Variants in RPS6KA2 observed in about 807,000 individuals in gnomAD.
RPS6KA2 encodes the protein ribosomal protein S6 kinase alpha-2.
A neutral mutation model predicts 91.8 loss-of-function variants in RPS6KA2; 42 were observed. The ratio of observed to expected loss-of-function variants is 0.46; its 90% CI spans 0.36 to 0.59. The LOEUF is 0.59. Ranked by LOEUF, RPS6KA2 falls within the 20% of genes least tolerant of loss-of-function variation. The pLI is 0.00. For missense variants in RPS6KA2, 798 were observed against 978.5 expected, an observed-to-expected ratio of 0.82 and a Z score of 2.46; for synonymous variants, 414 against 393.6, an observed-to-expected ratio of 1.05 and a Z score of -0.61.
At position 166,766,483 on chromosome 6, in the gene RPS6KA2, A is replaced by G. The variant is rs11964174; in HGVS notation, c.123+91717T>C. Among the ~76,000 whole-genome samples the G allele has an allele frequency of 8.6e-3, 1,309 of 152,322 alleles. 19 individuals carry two copies. Among genetic ancestry groups the G allele is most frequent in the African/African-American group, 0.03 (1,265 of 41,576 alleles). On this transcript the variant is annotated intron_variant, in intron 2 of 21. Coordinates refer to the RPS6KA2 transcript ENST00000503859. ...CTTGGTAATTTTTGGATTTGTGTGT[A>G]TGTGTGTTTTCCTTTCAAGCTTTTT...
At chr6:166,478,927 G>A (rs941101352) in intron 10 of RPS6KA2, among the ~76,000 whole-genome samples, 4 of 152,240 alleles carry the variant, frequency 2.6e-5, no homozygotes, top group African/African-American at 9.6e-5. Context: ...ACAGAGAGGT[G>A]AAGCCATCCG....
rs1456687415 is a variant in RPS6KA2 at position 166,764,721 on chromosome 6, A to C, written c.123+93479T>G. The stretch of plus-strand genomic sequence containing the variant: ...AGGAGCCTGCAGCCATGAGCCCGCA[A>C]CCCCTGACAACGGGAGGAAGACGCG... On this transcript the variant is annotated intron_variant, in intron 2 of 21. Coordinates refer to the RPS6KA2 transcript ENST00000503859. Among the ~76,000 whole-genome samples, 4 of 152,274 alleles carry C rather than the reference A, an allele frequency of 2.6e-5. No homozygotes were observed. In the East Asian group the frequency reaches 7.7e-4, roughly 29 times the overall value.
intron 19 of RPS6KA2, among the ~76,000 whole-genome samples, chr6:166,414,179 A>G (rs575885231): frequency 6.6e-6 from 1 of 152,360 alleles, no homozygotes; most frequent in African/African-American, 2.4e-5. Context: ...CATGTCTAAA[A>G]AGTTAAATGT....
intron 1 of RPS6KA2, among the ~76,000 whole-genome samples, chr6:166,548,829 TAAATC>T (rs760868075): frequency 4.6e-5 from 7 of 152,202 alleles, no homozygotes; most frequent in Non-Finnish European, 1.0e-4. Context: ...AAAAAAGTGA[TAAATC>T]AAACTTCATC....
intron 2 of RPS6KA2, among the ~76,000 whole-genome samples, chr6:166,796,540 G>A (rs1003325979): frequency 1.8e-4 from 25 of 140,098 alleles, no homozygotes; most frequent in Non-Finnish European, 3.1e-4. Flanking sequence ...AGTGAGCAGC[G>A]ATGGTGCCAC....
intron 2 of RPS6KA2, among the ~76,000 whole-genome samples, chr6:166,761,474 T>C (rs554562849): frequency 2.6e-5 from 4 of 152,240 alleles, no homozygotes; most frequent in Non-Finnish European, 4.4e-5. Context: ...TTACTGTGTA[T>C]TGGCTATGGC....
chr6:166,636,060 C>T (rs1390530514), intron 2 of RPS6KA2, among the ~76,000 whole-genome samples: 1 of 152,206 alleles, frequency 6.6e-6, no homozygotes, highest in Non-Finnish European at 1.5e-5. Context: ...CCAAACTCCT[C>T]GTTCTGCCTA....
chr6:166,469,514 A>C (rs1167402077), intron 11 of RPS6KA2, among the ~76,000 whole-genome samples: 1 of 152,018 alleles, frequency 6.6e-6, no homozygotes, highest in Non-Finnish European at 1.5e-5. Flanking sequence ...AGCAATCGGG[A>C]ATATGCAGGG....
rs541846953 is a variant in RPS6KA2 at position 166,685,388 on chromosome 6, A to C, written c.124-146604T>G. Among the ~76,000 whole-genome samples, 9 of 152,340 alleles carry C rather than the reference A, an allele frequency of 5.9e-5. No homozygotes were observed. The South Asian group carries it at 1.9e-3, about 32-fold the overall frequency. ...CAGGCTGGGAGGACAGAGGCTGAGA[A>C]GGGCAATGGTTAAAATGATCTGTTG... is the stretch of plus-strand genomic sequence containing the variant. On this transcript the variant is annotated intron_variant, in intron 2 of 21. Transcript: ENST00000503859.
intron 10 of RPS6KA2, among the ~76,000 whole-genome samples, chr6:166,472,029 G>A (rs1367155097): frequency 6.6e-6 from 1 of 152,220 alleles, no homozygotes; most frequent in Admixed American, 6.5e-5. Context: ...CTGTGTGCAG[G>A]CCTCCTTTGA....
At chr6:166,458,621 C>T (rs1780177596) in intron 12 of RPS6KA2, among the ~76,000 whole-genome samples, 1 of 152,212 alleles carries the variant, frequency 6.6e-6, no homozygotes, top group Admixed American at 6.5e-5. Context: ...AGAGAGACAC[C>T]AGAGCTCCAT....
At chr6:166,725,994 C>T (rs556607605) in intron 2 of RPS6KA2, among the ~76,000 whole-genome samples, 1 of 152,256 alleles carries the variant, frequency 6.6e-6, no homozygotes, top group South Asian at 2.1e-4. Flanking sequence ...AACAGCCACG[C>T]CCCAGAAGCT....
intron 1 of RPS6KA2, among the ~76,000 whole-genome samples, chr6:166,578,803 C>T (rs895901159): frequency 6.6e-6 from 1 of 152,182 alleles, no homozygotes; most frequent in African/African-American, 2.4e-5. Flanking sequence ...CCACCATGCG[C>T]CTCGTGCATT....
rs149360892 is a variant in RPS6KA2, at chr6:166,415,569, C to T, written c.1939-1638G>A. Among the ~76,000 whole-genome samples the T allele has an allele frequency of 2.4e-4, 36 of 152,162 alleles. No homozygotes were observed. In the East Asian group the frequency reaches 5.4e-3, roughly 23 times the overall value. ...CGGCAGAGACCTCTGCCTGCAGCAG[C>T]GATCTTGACAATGTGCCCTTGTCCT... On this transcript the variant is annotated intron_variant, in intron 19 of 20. Coordinates refer to ENST00000265678, the MANE Select transcript of RPS6KA2 (RefSeq NM_021135.6).
chr6:166,566,788 C>T (rs146575861), intron 1 of RPS6KA2, among the ~76,000 whole-genome samples: 55 of 152,330 alleles, frequency 3.6e-4, no homozygotes, highest in African/African-American at 1.2e-3. Flanking sequence ...CTGACAGCCC[C>T]ACTCCTGCAC....
At chr6:166,630,391 A>G (rs1368047089), upstream of RPS6KA2, among the ~76,000 whole-genome samples, 24 of 152,270 alleles carry the variant, frequency 1.6e-4, no homozygotes, top group Admixed American at 1.6e-3. Context: ...AAACTCCCAC[A>G]TATTTTCAAT....
At position 166,737,441 on chromosome 6, in the gene RPS6KA2, C is replaced by T. The variant is rs1443389521; in HGVS notation, c.123+120759G>A. ...CATAGCCAGACACCTCGAGAAATGA[C>T]GCACGCCTTACTCATTTATAATCAG... On this transcript the variant is annotated intron_variant, in intron 2 of 21. Coordinates refer to the RPS6KA2 transcript ENST00000503859. This position sits in a 1 kb window ranked among gnomAD's most constrained non-coding sequence, Gnocchi z 4.3. Among the ~76,000 whole-genome samples, 3 of 152,130 alleles carry T rather than the reference C, an allele frequency of 2.0e-5. No individual in the cohort carries two copies. Among genetic ancestry groups the T allele is most frequent in the Admixed American group, 1.3e-4 (2 of 15,278 alleles).
intron 1 of RPS6KA2, among the ~76,000 whole-genome samples, chr6:166,548,928 C>T (rs1272692103): frequency 6.6e-6 from 1 of 152,200 alleles, no homozygotes; most frequent in Non-Finnish European, 1.5e-5. Context: ...GTTTAAACCA[C>T]ACATCCAACA....
At chr6:166,482,898 C>T (rs1781282715) in intron 10 of RPS6KA2, among the ~76,000 whole-genome samples, 1 of 152,208 alleles carries the variant, frequency 6.6e-6, no homozygotes, top group Non-Finnish European at 1.5e-5. Flanking sequence ...ACGCCCTCAC[C>T]ATAAAGCAAA....
Sources: allele counts gnomAD v4.1 joint callset (sites outside exome capture counted in the v4.1 genomes callset), GRCh38; gene constraint gnomAD v4.1.1; non-coding constraint Gnocchi (gnomAD v3.1); transcripts MANE v1.5; gene names NCBI Gene and HGNC (gene_info 2026-07-23, HGNC 2026-07-21).